The following MYOZ2 variants were observed in gnomAD, a reference collection of about 807,000 sequenced individuals.
The protein encoded by MYOZ2 is myozenin-2.
A neutral mutation model predicts 25.4 loss-of-function variants in MYOZ2; 19 were observed. That is an observed-to-expected ratio of 0.75 (90% CI 0.52 to 1.10). The LOEUF is 1.10. Ranked by LOEUF, MYOZ2 falls within the 50% of genes least tolerant of loss-of-function variation. The pLI, the probability that MYOZ2 is intolerant of heterozygous loss-of-function variation, is 0.00. For synonymous variants in MYOZ2, 92 were observed against 106.9 expected (o/e 0.86, Z 0.86); for missense variants, 270 against 317.9 (o/e 0.85, Z 1.15).
intron 3 of MYOZ2, among the ~76,000 whole-genome samples, chr4:119,155,633 G>C (rs192060436): frequency 4.3e-4 from 65 of 152,234 alleles, no homozygotes; most frequent in African/African-American, 1.5e-3. Flanking sequence ...GTGGAAGTTT[G>C]CAAGGAATGA....
At chr4:119,148,660 G>C (rs1312761002) in intron 2 of MYOZ2, among the ~76,000 whole-genome samples, 1 of 147,172 alleles carries the variant, frequency 6.8e-6, no homozygotes, top group Non-Finnish European at 1.5e-5. Context: ...TTTTTACTCA[G>C]GTTATTATAT....
At chr4:119,147,361 G>A (rs1036711765) in intron 2 of MYOZ2, among the ~76,000 whole-genome samples, 1 of 151,762 alleles carries the variant, frequency 6.6e-6, no homozygotes, top group Non-Finnish European at 1.5e-5. Flanking sequence ...ATAGCTTTCA[G>A]GAGTTGCTCT....
intron 2 of MYOZ2, among the ~76,000 whole-genome samples, chr4:119,146,624 G>T (rs1191105827): frequency 1.3e-5 from 2 of 152,028 alleles, no homozygotes; most frequent in African/African-American, 2.4e-5. Context: ...ATTTGTTGAG[G>T]TTTATTTTAT....
chr4:119,136,953 C>G (rs982168477), intron 2 of MYOZ2, among the ~76,000 whole-genome samples: 5 of 152,072 alleles, frequency 3.3e-5, no homozygotes, highest in African/African-American at 4.8e-5. Flanking sequence ...TTGTCCATCC[C>G]ACATGGTTTA....
intron 5 of MYOZ2, among the ~76,000 whole-genome samples, chr4:119,175,585 C>T (rs2149228413): frequency 6.6e-6 from 1 of 152,032 alleles, no homozygotes; most frequent in South Asian, 2.1e-4. Flanking sequence ...AACTCTGTTT[C>T]TACTAAAAAT....
chr4:119,145,517 TGTGTGTG>T, intron 2 of MYOZ2, among the ~76,000 whole-genome samples: 1 of 125,968 alleles, frequency 7.9e-6, no homozygotes, highest in Non-Finnish European at 1.7e-5. Context: ...TGTGTGTGTG[TGTGTGTG>T]TGTGTGTGTG....
rs139662060 is a variant in MYOZ2, at chr4:119,155,618, G to A, written c.247-2404G>A. 2.1e-3 allele frequency among the ~76,000 whole-genome samples: 320 copies of A among 152,276 alleles called. 2 individuals carry two copies. The highest frequency in any genetic ancestry group is 7.3e-3 in the African/African-American group (302 of 41,558). ...GGGCAGAGGGTAGTAGTGGGGAACT[G>A]GCTTGTGGAAGTTTGCAAGGAATGA... On this transcript the variant is annotated intron_variant, in intron 3 of 5. Transcript: ENST00000307128.
chr4:119,181,297 C>G (rs1742181326), intron 5 of MYOZ2, among the ~76,000 whole-genome samples: 2 of 152,162 alleles, frequency 1.3e-5, no homozygotes, highest in African/African-American at 2.4e-5. Context: ...CTTCTTCCTT[C>G]AACTCAGGAG....
intron 5 of MYOZ2, among the ~76,000 whole-genome samples, chr4:119,181,535 T>C (rs1479597582): frequency 1.3e-5 from 2 of 152,178 alleles, no homozygotes; most frequent in Non-Finnish European, 2.9e-5. Context: ...TCTTTGAGAG[T>C]AAAAACCATG....
intron 2 of MYOZ2, among the ~76,000 whole-genome samples, chr4:119,145,338 GTTTT>G (rs60344545): frequency 9.9e-6 from 1 of 100,614 alleles, no homozygotes; most frequent in Admixed American, 1.1e-4. Flanking sequence ...TGCGTGTGTG[GTTTT>G]TTTTTTTTTT....
chr4:119,153,015 G>T (rs1313390252), intron 3 of MYOZ2, among the ~76,000 whole-genome samples: 1 of 151,116 alleles, frequency 6.6e-6, no homozygotes, highest in African/African-American at 2.4e-5. Flanking sequence ...TTTGGTCCTG[G>T]CTCTCCCACC....
At chr4:119,168,485 C>A (rs758842403) in intron 5 of MYOZ2, among the ~76,000 whole-genome samples, 1 of 152,078 alleles carries the variant, frequency 6.6e-6, no homozygotes, top group Admixed American at 6.6e-5. Context: ...ATTTGTGATT[C>A]ATGGAAGGAA....
chr4:119,184,686 T>C (rs1254941000), intron 5 of MYOZ2, among the ~76,000 whole-genome samples: 2 of 152,238 alleles, frequency 1.3e-5, no homozygotes, highest in African/African-American at 4.8e-5. Flanking sequence ...TGTCTGGCAC[T>C]GAATGAGTAA....
intron 5 of MYOZ2, among the ~76,000 whole-genome samples, chr4:119,172,444 T>C (rs749563509): frequency 3.9e-5 from 6 of 152,206 alleles, no homozygotes; most frequent in Non-Finnish European, 8.8e-5. Context: ...GAGTCGAAGC[T>C]GTCCTCTTGC....
chr4:119,139,841 G>A (rs879891924), intron 2 of MYOZ2, among the ~76,000 whole-genome samples: 2 of 152,060 alleles, frequency 1.3e-5, no homozygotes, highest in Non-Finnish European at 2.9e-5. Flanking sequence ...CTCTCACCTG[G>A]GTTCCAGGAG....
At chr4:119,156,193 G>A (rs1033771386) in intron 3 of MYOZ2, among the ~76,000 whole-genome samples, 3 of 151,814 alleles carry the variant, frequency 2.0e-5, no homozygotes, top group African/African-American at 4.8e-5. Flanking sequence ...TTTAAATCAC[G>A]ACAGAGCCGA....
chr4:119,172,390 G>A (rs1741964458), intron 5 of MYOZ2, among the ~76,000 whole-genome samples: 1 of 152,188 alleles, frequency 6.6e-6, no homozygotes, highest in South Asian at 2.1e-4. Context: ...TGGGGACAGT[G>A]AGTCACGAGT....
chr4:119,177,367 T>G (rs1742095450), intron 5 of MYOZ2, among the ~76,000 whole-genome samples: 1 of 152,214 alleles, frequency 6.6e-6, no homozygotes, highest in Non-Finnish European at 1.5e-5. Context: ...CCCCTTAAAG[T>G]GATTACCACA....
At chr4:119,178,671 A>G (rs1742128311) in intron 5 of MYOZ2, among the ~76,000 whole-genome samples, 1 of 152,074 alleles carries the variant, frequency 6.6e-6, no homozygotes, top group African/African-American at 2.4e-5. Context: ...CAGTGGTGCA[A>G]TCTCAGCTCA....
Sources: allele counts gnomAD v4.1 joint callset (sites outside exome capture counted in the v4.1 genomes callset), GRCh38; gene constraint gnomAD v4.1.1; transcripts MANE v1.5; gene names NCBI Gene and HGNC (gene_info 2026-07-23, HGNC 2026-07-21).